The following SMARCA2 variants were observed in gnomAD, a reference collection of about 807,000 sequenced individuals.
SMARCA2 encodes the protein SWI/SNF-related matrix-associated actin-dependent regulator of chromatin subfamily A member 2.
A neutral mutation model predicts 199.8 loss-of-function variants in SMARCA2; 61 were observed. The ratio of observed to expected loss-of-function variants is 0.31; its 90% CI spans 0.25 to 0.38. The LOEUF (loss-of-function observed/expected upper bound fraction) is 0.38. Among genes scored for constraint, SMARCA2 ranks in the 10% least tolerant of loss-of-function variants. The pLI, the probability that SMARCA2 is intolerant of heterozygous loss-of-function variation, is 1.00. For missense variants in SMARCA2, 1,344 were observed against 2,012.2 expected, an observed-to-expected ratio of 0.67 and a Z score of 6.35; for synonymous variants, 935 against 732.0, an observed-to-expected ratio of 1.28 and a Z score of -4.48.
intron 4 of SMARCA2, among the ~76,000 whole-genome samples, chr9:2,046,714 C>G (rs1819860950): frequency 6.6e-6 from 1 of 152,074 alleles, no homozygotes; most frequent in Non-Finnish European, 1.5e-5. Flanking sequence ...GAGGTCTGTC[C>G]TAAAAGGGCT....
chr9:2,177,306 T>C lies in SMARCA2; in HGVS notation c.4254-4265T>C, dbSNP rs146790270. The stretch of plus-strand genomic sequence containing the variant: ...AAATCCTTCCAACCTCAAGTGAGTA[T>C]TCTAAATCATGACATCATTTTCTAA... On this transcript the variant is annotated intron_variant, in intron 29 of 33. Coordinates refer to ENST00000349721, the MANE Select transcript of SMARCA2 (RefSeq NM_003070.5). Among the ~76,000 whole-genome samples the C allele has an allele frequency of 2.0e-3, 300 of 152,330 alleles. 1 individual carries two copies. Among genetic ancestry groups the C allele is most frequent in the African/African-American group, 7.0e-3 (289 of 41,570 alleles).
chr9:2,072,434 T>C (rs1821129274), intron 10 of SMARCA2, among the ~76,000 whole-genome samples: 1 of 152,220 alleles, frequency 6.6e-6, no homozygotes, highest in African/African-American at 2.4e-5. Flanking sequence ...TTTTGGTCAA[T>C]TTGCCAGATT....
chr9:2,033,184 G>A (rs1586628038), intron 3 of SMARCA2, 103 bp downstream of exon 3: 1 of 1,307,016 alleles, frequency 7.7e-7, no homozygotes, highest in East Asian at 2.4e-5. Context: ...GTCTAAGGAA[G>A]GTTGAACCTA....
rs1819460582 is a variant in SMARCA2, at chr9:2,039,080, T to G, written c.356-386T>G. ...CACTTGAAGTGTGGTTAGTTCGAAT[T>G]GAGATGTCCTTTAAGTGTAAAATAT... is the stretch of plus-strand genomic sequence containing the variant. On this transcript the variant is annotated intron_variant, in intron 3 of 33. Transcript: ENST00000349721. This position sits in a 1 kb window ranked among gnomAD's most constrained non-coding sequence, Gnocchi z 4.8. 6.6e-6 allele frequency among the ~76,000 whole-genome samples: 1 copy of G among 152,140 alleles called. No homozygotes were observed. The highest frequency in any genetic ancestry group is 1.5e-5 in the Non-Finnish European group (1 of 68,018).
rs1046615166 is a variant in SMARCA2, at chr9:2,115,089, G to C, written c.3457-733G>C. 6.6e-6 allele frequency among the ~76,000 whole-genome samples: 1 copy of C among 151,788 alleles called. No homozygotes were observed. The highest frequency in any genetic ancestry group is 2.4e-5 in the African/African-American group (1 of 41,310). Reference sequence around the variant, plus strand: ...AGAGAGAGTAAATTATTCTGAGAAGGTACATCCTTATTTCTAAATCTTTGT... The same window carrying C: ...AGAGAGAGTAAATTATTCTGAGAAGCTACATCCTTATTTCTAAATCTTTGT... On this transcript the variant is annotated intron_variant, in intron 24 of 33. Transcript: ENST00000349721. The surrounding 1 kb of genome is among the most constrained non-coding windows in gnomAD (Gnocchi z 6.0).
At chr9:2,152,986 A>G (rs1449148598) in intron 27 of SMARCA2, among the ~76,000 whole-genome samples, 1 of 152,188 alleles carries the variant, frequency 6.6e-6, no homozygotes, top group Admixed American at 6.5e-5. Context: ...GAACTTACCC[A>G]CATAAATGAG....
In SMARCA2 at chr9:2,119,878, G is replaced by C. The variant is rs573384567; in HGVS notation, c.3762+343G>C. ...GCTGCACTCTCTGGACAGGCCTCGC[G>C]GTCTACAGCTTACCATAGACGCCCT... On this transcript the variant is annotated intron_variant, in intron 26 of 33. Coordinates refer to ENST00000349721, the MANE Select transcript of SMARCA2 (RefSeq NM_003070.5). The surrounding 1 kb of genome is among the most constrained non-coding windows in gnomAD (Gnocchi z 4.6). Among the ~76,000 whole-genome samples the C allele has an allele frequency of 5.3e-5, 8 of 152,150 alleles. No individual in the cohort carries two copies. The East Asian group carries it at 1.3e-3, about 26-fold the overall frequency.
chr9:2,148,044 T>G (rs1463681203), intron 27 of SMARCA2, among the ~76,000 whole-genome samples: 8 of 151,616 alleles, frequency 5.3e-5, no homozygotes, highest in African/African-American at 1.9e-4. Context: ...AGTTTACACT[T>G]GCCTCCCAGT....
intron 27 of SMARCA2, among the ~76,000 whole-genome samples, chr9:2,144,198 G>A (rs1824604976): frequency 6.6e-6 from 1 of 152,144 alleles, no homozygotes; most frequent in Non-Finnish European, 1.5e-5. Flanking sequence ...GTATTATCTT[G>A]TGAAGGAGTC....
At chr9:2,069,237 T>G (rs1439989771) in intron 9 of SMARCA2, among the ~76,000 whole-genome samples, 2 of 151,818 alleles carry the variant, frequency 1.3e-5, no homozygotes, top group Non-Finnish European at 2.9e-5. Context: ...ATCTTAACTT[T>G]TCATTTAGGT....
intron 23 of SMARCA2, among the ~76,000 whole-genome samples, chr9:2,107,450 T>C (rs1430223346): frequency 6.6e-6 from 1 of 152,212 alleles, no homozygotes; most frequent in African/African-American, 2.4e-5. Flanking sequence ...CCCAAGTAGC[T>C]GGGATTACAG....
At chr9:2,054,533 T>G (rs761145810) in intron 5 of SMARCA2, 64 bp from the exon 6 acceptor site, 162 of 1,568,782 alleles carry the variant, frequency 1.0e-4, no homozygotes, top group Non-Finnish European at 1.3e-4. Context: ...TGTTTATCAT[T>G]TAAGATTAAA....
Position 2,123,106 on chromosome 9 carries a change from G to C in SMARCA2, c.3763-613G>C, listed in dbSNP as rs563219774. ...AAAGCTTAAAATGTAAAGAATTGAA[G>C]AGCATTCCTCAGACAGTGCCCATGA... On this transcript the variant is annotated intron_variant, in intron 26 of 33. Coordinates refer to ENST00000349721, the MANE Select transcript of SMARCA2 (RefSeq NM_003070.5). The surrounding 1 kb of genome is among the most constrained non-coding windows in gnomAD (Gnocchi z 4.1). 6.6e-6 allele frequency among the ~76,000 whole-genome samples: 1 copy of C among 152,306 alleles called. No individual in the cohort carries two copies. The highest frequency in any genetic ancestry group is 2.4e-5 in the African/African-American group (1 of 41,562).
intron 20 of SMARCA2, 25 bp from the exon 21 acceptor site, chr9:2,097,360 T>C (rs756454464): frequency 7.7e-6 from 11 of 1,430,342 alleles, no homozygotes; most frequent in Admixed American, 1.7e-5. Context: ...ATTAATTCTA[T>C]TTTTCCCTTT....
At chr9:2,074,738 A>G (rs1443536299) in intron 12 of SMARCA2, among the ~76,000 whole-genome samples, 2 of 152,158 alleles carry the variant, frequency 1.3e-5, no homozygotes, top group African/African-American at 4.8e-5. Flanking sequence ...GTGGTGACGC[A>G]TGCCCGCAGT....
In SMARCA2 at chr9:2,016,017, G is replaced by A. The variant is rs1316849426; in HGVS notation, c.-37+613G>A. The A allele has an allele frequency of 6.6e-6, 1 of 152,478 alleles. No homozygotes were observed. Among genetic ancestry groups the A allele is most frequent in the Non-Finnish European group, 1.5e-5 (1 of 68,314 alleles). 9.4% of individuals were successfully genotyped at this position (152,478 alleles called of 1,614,324 possible). On this transcript the variant is annotated intron_variant, in intron 1 of 33. Coordinates refer to ENST00000349721, the MANE Select transcript of SMARCA2 (RefSeq NM_003070.5). This position sits in a 1 kb window ranked among gnomAD's most constrained non-coding sequence, Gnocchi z 5.6. ...CCAGGCTGGCGGCGGGGCGCCAACG[G>A]ACGCTGTTGCCACCCGCTTCCCAGG...
At chr9:2,124,286 A>T (rs1823591958) in intron 27 of SMARCA2, among the ~76,000 whole-genome samples, 2 of 152,216 alleles carry the variant, frequency 1.3e-5, no homozygotes, top group African/African-American at 4.8e-5. Context: ...CCAACTGAGA[A>T]TCAAAATGTG....
At chr9:2,100,798 T>C (rs907398962) in intron 21 of SMARCA2, among the ~76,000 whole-genome samples, 1 of 152,126 alleles carries the variant, frequency 6.6e-6, no homozygotes, top group African/African-American at 2.4e-5. Flanking sequence ...ACAATACATA[T>C]TGTATTAGTC....
In SMARCA2 at chr9:2,056,677, A is replaced by G; in HGVS notation, c.1179A>G (p.Arg393=). 1 of 1,613,330 alleles carries G rather than the reference A, an allele frequency of 6.2e-7. No individual in the cohort carries two copies. ...LRLLNFQRQL[R]QEVVACMRRD... ...AACTGCTCTCTTCTTGACAGCTGAG[A>G]CAGGAGGTGGTGGCCTGCATGCGCA... Residue 393 remains arginine (R), a synonymous_variant, in exon 7 of 34, where the codon AGA becomes AGG. Coordinates refer to ENST00000349721, the MANE Select transcript of SMARCA2 (RefSeq NM_003070.5). This position sits in a 1 kb window ranked among gnomAD's most constrained non-coding sequence, Gnocchi z 4.0.
Sources: gnomAD v4.1 joint callset for allele counts (sites outside exome capture counted in the v4.1 genomes callset) on GRCh38, gnomAD v4.1.1 for gene constraint, Gnocchi (gnomAD v3.1) non-coding constraint, MANE v1.5 for transcripts, NCBI Gene and HGNC (gene_info 2026-07-23, HGNC 2026-07-21) for gene names.